Variants in MTPAP observed in about 807,000 individuals in gnomAD.
MTPAP encodes the protein mitochondrial poly(A) polymerase.
In MTPAP, 23 loss-of-function variants were observed where a neutral mutation model predicts 48.7. The ratio of observed to expected loss-of-function variants is 0.47; its 90% CI spans 0.34 to 0.67. The LOEUF (loss-of-function observed/expected upper bound fraction) is 0.67. MTPAP is among the 30% of genes least tolerant of loss of function. The pLI is 0.01. For missense variants in MTPAP, 614 were observed against 694.3 expected (o/e 0.88, Z 1.30); for synonymous variants, 257 against 254.1 (o/e 1.01, Z -0.11).
intron 4 of MTPAP, among the ~76,000 whole-genome samples, chr10:30,333,155 T>A (rs1834691445): frequency 6.6e-6 from 1 of 151,484 alleles, no homozygotes; most frequent in Non-Finnish European, 1.5e-5. Flanking sequence ...AAAATAAATT[T>A]AAAAAAAAGA....
At chr10:30,328,219 G>T (rs1834622018) in intron 4 of MTPAP, among the ~76,000 whole-genome samples, 1 of 152,184 alleles carries the variant, frequency 6.6e-6, no homozygotes, top group Non-Finnish European at 1.5e-5. Flanking sequence ...GATAAAAGTT[G>T]TGCATGTTTT....
At chr10:30,319,070 G>A (rs1213293731) in intron 6 of MTPAP, among the ~76,000 whole-genome samples, 2 of 131,146 alleles carry the variant, frequency 1.5e-5, no homozygotes, top group South Asian at 2.1e-4. Context: ...GTGGCTGGGA[G>A]GGGGAGGCTG....
At chr10:30,339,520 A>C (rs1383319847) in intron 3 of MTPAP, among the ~76,000 whole-genome samples, 1 of 152,020 alleles carries the variant, frequency 6.6e-6, no homozygotes, top group Non-Finnish European at 1.5e-5. Context: ...ATCAGAAAGA[A>C]GACATTTTAA....
In MTPAP at chr10:30,318,422, G is replaced by A. The variant is rs76002335; in HGVS notation, c.1220-2212C>T. 1.6e-3 allele frequency among the ~76,000 whole-genome samples: 249 copies of A among 152,282 alleles called. 2 individuals are homozygous for A. The highest frequency in any genetic ancestry group is 5.5e-3 in the African/African-American group (227 of 41,566). On this transcript the variant is annotated intron_variant, in intron 6 of 8. Transcript: ENST00000263063. ...TTAGATCTATTTTTAAGGAACCTGA[G>A]CACATGTTTTACTATTTCAAGTAAT...
chr10:30,348,972 G>A lies in MTPAP; in HGVS notation c.157+147C>T, dbSNP rs138017795. On this transcript the variant is annotated intron_variant, in intron 1 of 8. Transcript: ENST00000263063. ...GGCGGCGACCCTGGGTTCCCCTACA[G>A]AGATCAGAGGAGAGGAGAGGACAGG... 2.7e-4 allele frequency: 326 copies of A among 1,207,762 alleles called. 2 individuals are homozygous for A. The African/African-American group carries it at 4.4e-3, about 16-fold the overall frequency. The allele number at this position is 1,207,762 out of a possible 1,614,324, so 74.8% of individuals were successfully genotyped here.
At chr10:30,322,944 G>A (rs1198963537) in intron 5 of MTPAP, among the ~76,000 whole-genome samples, 1 of 151,056 alleles carries the variant, frequency 6.6e-6, no homozygotes, top group South Asian at 2.1e-4. Flanking sequence ...CAAGGACAAC[G>A]AGGTGAAACC....
intron 5 of MTPAP, among the ~76,000 whole-genome samples, chr10:30,323,451 C>CAAAAAAA (rs755342499): frequency 2.4e-5 from 2 of 84,692 alleles, no homozygotes; most frequent in Admixed American, 1.5e-4. Flanking sequence ...GACCCTGCCT[C>CAAAAAAA]AAAAAAAAAA....
chr10:30,332,799 G>A (rs560604003), intron 4 of MTPAP, among the ~76,000 whole-genome samples: 52 of 151,930 alleles, frequency 3.4e-4, no homozygotes, highest in Admixed American at 1.2e-3. Context: ...CCTGGGTACC[G>A]TGGTGAAACA....
chr10:30,326,627 T>C lies in MTPAP; in HGVS notation c.789A>G (p.Gly263=), dbSNP rs1195795834. The part of the protein sequence containing the change: ...TRNLSAHKIS[G]NFLMEFQVKN... ...TCACTTGAAATTCCATCAGAAAATT[T>C]CCTGAGATCTGAAAAATAAACACAT... The change falls in exon 5 of 9, where the codon GGA becomes GGG. Residue 263 remains glycine, a synonymous_variant. Transcript: ENST00000263063. The C allele has an allele frequency of 6.2e-7, 1 of 1,612,918 alleles. No homozygotes were observed. Among genetic ancestry groups the C allele is most frequent in the East Asian group, 2.2e-5 (1 of 44,886 alleles).
rs1236038170 is a variant in MTPAP at position 30,312,892 on chromosome 10, C to A, written c.*717G>T. 3 of 152,132 alleles carry A rather than the reference C, an allele frequency of 2.0e-5. No individual in the cohort carries two copies. Among genetic ancestry groups the A allele is most frequent in the East Asian group, 3.8e-4 (2 of 5,198 alleles). The allele number at this position is 152,132 out of a possible 1,614,324, so 9.4% of individuals were successfully genotyped here. On this transcript the variant is annotated 3_prime_UTR_variant, in exon 9 of 9. Transcript: ENST00000263063. ...TCAAACAATATTTTTAAAATGCAAT[C>A]TATTGATGTCATCATATTTGGTTTG...
Position 30,340,450 on chromosome 10 carries a change from C to T in MTPAP, c.331G>A (p.Gly111Ser). ...CAAAATTCTACGACAGCATAGAGAC[C>T]CTATACCAAAAACATAAGAAAAAAC... ...INNHFFYESF[G>S]LYAVVEFCQK... The change falls in exon 3 of 9, where the codon GGT (glycine) becomes AGT (serine). Residue 111 changes from glycine to serine, a missense_variant and splice_region_variant. Coordinates refer to ENST00000263063, the MANE Select transcript of MTPAP (RefSeq NM_018109.4). 8 of 1,609,228 alleles carry T rather than the reference C, an allele frequency of 5.0e-6. No individual in the cohort carries two copies. The highest frequency in any genetic ancestry group is 6.8e-6 in the Non-Finnish European group (8 of 1,175,658).
intron 4 of MTPAP, among the ~76,000 whole-genome samples, chr10:30,328,177 T>G (rs1834621669): frequency 6.6e-6 from 1 of 152,002 alleles, no homozygotes; most frequent in Non-Finnish European, 1.5e-5. Context: ...ACAAAAAAAT[T>G]CACAGAAAAA....
At chr10:30,343,800 T>G (rs1418517792) in intron 1 of MTPAP, among the ~76,000 whole-genome samples, 1 of 152,178 alleles carries the variant, frequency 6.6e-6, no homozygotes, top group Non-Finnish European at 1.5e-5. Context: ...ACTGCTGACC[T>G]CAAGCAGTCC....
chr10:30,322,206 CA>C (rs767418487), intron 6 of MTPAP, among the ~76,000 whole-genome samples, 184 bp downstream of exon 6: 3 of 152,124 alleles, frequency 2.0e-5, no homozygotes, highest in Non-Finnish European at 1.5e-5. Flanking sequence ...ACAGAACTCT[CA>C]AAAAATGCTA....
At chr10:30,317,708 T>G (rs995443320) in intron 6 of MTPAP, among the ~76,000 whole-genome samples, 2 of 152,180 alleles carry the variant, frequency 1.3e-5, no homozygotes, top group Admixed American at 6.6e-5. Context: ...TTGTGACTGT[T>G]TGTATGCTGT....
intron 1 of MTPAP, among the ~76,000 whole-genome samples, chr10:30,343,967 CT>C (rs1834841189): frequency 6.6e-6 from 1 of 152,240 alleles, no homozygotes; most frequent in Non-Finnish European, 1.5e-5. Context: ...AATAATCTGA[CT>C]CCTAAACTAG....
rs1366358530 is a variant in MTPAP at position 30,348,947 on chromosome 10, G to A, written c.157+172C>T. ...CACATCTCACTTCTGCCTCAGCAACGGCGGCGACCCTGGGTTCCCCTACAG... is the reference window on the plus strand; with the variant it reads ...CACATCTCACTTCTGCCTCAGCAACAGCGGCGACCCTGGGTTCCCCTACAG... On this transcript the variant is annotated intron_variant, in intron 1 of 8. Coordinates refer to ENST00000263063, the MANE Select transcript of MTPAP (RefSeq NM_018109.4). The A allele has an allele frequency of 3.4e-6, 3 of 888,590 alleles. No individual in the cohort carries two copies. In the African/African-American group the frequency reaches 5.1e-5, roughly 15 times the overall value. 55.0% of individuals were successfully genotyped at this position (888,590 alleles called of 1,614,324 possible).
Position 30,314,768 on chromosome 10 carries a change from A to C in MTPAP, c.1387-797T>G, listed in dbSNP as rs145013941. On this transcript the variant is annotated intron_variant, in intron 8 of 8. Transcript: ENST00000263063. ...ATGCCTGTAATCCCAGCTACTTAGGAGGCTGAGGCAGGAGAATCACTTGAA... is the reference window on the plus strand; with the variant it reads ...ATGCCTGTAATCCCAGCTACTTAGGCGGCTGAGGCAGGAGAATCACTTGAA... 2.0e-4 allele frequency among the ~76,000 whole-genome samples: 30 copies of C among 151,866 alleles called. No homozygotes were observed. The East Asian group carries it at 5.8e-3, about 30-fold the overall frequency.
At position 30,341,594 on chromosome 10, in the gene MTPAP, A is replaced by G. The variant is rs767633896; in HGVS notation, c.204T>C (p.Asn68=). ...IPKRRFSEMQ[N]ERREQAQRTV... is the part of the protein sequence containing the mutation. ...TCCGCTGTGCCTGTTCTCGTCTTTC[A>G]TTTTGCATCTCAGAGAATCTCCTTT... Residue 68 remains asparagine (N), a synonymous_variant, in exon 2 of 9, where the codon AAT becomes AAC. Transcript: ENST00000263063. The G allele has an allele frequency of 6.2e-7, 1 of 1,614,008 alleles. No individual in the cohort carries two copies. Among genetic ancestry groups the G allele is most frequent in the Non-Finnish European group, 8.5e-7 (1 of 1,180,016 alleles).
Sources: gnomAD v4.1 joint callset for allele counts (sites outside exome capture counted in the v4.1 genomes callset) on GRCh38, gnomAD v4.1.1 for gene constraint, MANE v1.5 for transcripts, NCBI Gene and HGNC (gene_info 2026-07-23, HGNC 2026-07-21) for gene names.